AGBL4: variants seen among roughly 807,000 people sequenced by gnomAD.
The protein encoded by AGBL4 is AGBL carboxypeptidase 4, also known as cytosolic carboxypeptidase 6.
A neutral mutation model predicts 66.4 loss-of-function variants in AGBL4; 58 were observed. That is an observed-to-expected ratio of 0.87 (90% CI 0.71 to 1.09). The LOEUF is 1.09. AGBL4 is among the 50% of genes least tolerant of loss of function. The pLI, the probability that AGBL4 is intolerant of heterozygous loss-of-function variation, is 0.00. For missense variants in AGBL4, 579 were observed against 631.0 expected (o/e 0.92, Z 0.88); for synonymous variants, 234 against 222.9 (o/e 1.05, Z -0.44).
chr1:49,547,532 T>A (rs1426983926), intron 3 of AGBL4, among the ~76,000 whole-genome samples: 3 of 152,192 alleles, frequency 2.0e-5, no homozygotes, highest in Admixed American at 6.5e-5. Flanking sequence ...TTTTTCTAAT[T>A]CTGTAAAGAA....
At chr1:48,738,469 C>T (rs776390287) in intron 6 of AGBL4, among the ~76,000 whole-genome samples, 33 of 152,182 alleles carry the variant, frequency 2.2e-4, no homozygotes, top group Non-Finnish European at 2.8e-4. Flanking sequence ...CTCCGCAGTT[C>T]GAACTGCAGG....
chr1:48,690,664 G>C (rs1402146654), intron 6 of AGBL4, among the ~76,000 whole-genome samples: 1 of 151,800 alleles, frequency 6.6e-6, no homozygotes, highest in African/African-American at 2.4e-5. Flanking sequence ...ATACAAAATA[G>C]GACGTAAGTA....
chr1:49,846,889 A>G (rs1646161453), intron 2 of AGBL4, among the ~76,000 whole-genome samples: 1 of 152,212 alleles, frequency 6.6e-6, no homozygotes, highest in African/African-American at 2.4e-5. Context: ...ATCCCTCTCA[A>G]AATACTGACA....
chr1:48,925,231 C>T (rs114033134), intron 5 of AGBL4, among the ~76,000 whole-genome samples: 1,813 of 151,894 alleles, frequency 0.012, 34 homozygotes, highest in African/African-American at 0.038. Flanking sequence ...ATTCCAGGAC[C>T]TCCTGTGGAT....
At chr1:48,849,245 T>C (rs1646981631) in intron 6 of AGBL4, among the ~76,000 whole-genome samples, 2 of 152,228 alleles carry the variant, frequency 1.3e-5, no homozygotes, top group South Asian at 2.1e-4. Context: ...GGCCTTGTGG[T>C]AAAAACTGGC....
chr1:48,574,500 A>G (rs945129694), intron 11 of AGBL4, among the ~76,000 whole-genome samples: 2 of 151,730 alleles, frequency 1.3e-5, no homozygotes, highest in African/African-American at 4.8e-5. Context: ...AGCTTCATAA[A>G]TACCATAAAA....
intron 1 of AGBL4, among the ~76,000 whole-genome samples, chr1:49,999,294 G>T (rs1377264119): frequency 7.0e-6 from 1 of 143,216 alleles, no homozygotes. Context: ...CAAGCAGGCT[G>T]AAAATCCAAT....
At chr1:48,871,568 G>T (rs1365178913) in intron 5 of AGBL4, among the ~76,000 whole-genome samples, 1 of 152,090 alleles carries the variant, frequency 6.6e-6, no homozygotes, top group Non-Finnish European at 1.5e-5. Flanking sequence ...TCCTGGCTGT[G>T]TATGACCCCT....
intron 4 of AGBL4, among the ~76,000 whole-genome samples, chr1:49,120,450 G>C (rs1236051989): frequency 6.6e-6 from 1 of 151,894 alleles, no homozygotes; most frequent in East Asian, 1.9e-4. Context: ...GTTTGGCTGG[G>C]TATGAAAAGT....
At chr1:48,641,431 C>A (rs886901599) in intron 8 of AGBL4, among the ~76,000 whole-genome samples, 1 of 152,144 alleles carries the variant, frequency 6.6e-6, no homozygotes, top group Non-Finnish European at 1.5e-5. Flanking sequence ...CTCCTCACAT[C>A]CCTTCTTAGA....
chr1:48,834,857 T>C (rs1646639121), intron 6 of AGBL4, among the ~76,000 whole-genome samples: 1 of 152,190 alleles, frequency 6.6e-6, no homozygotes, highest in Admixed American at 6.6e-5. Context: ...AAGCCCCAGA[T>C]TCCTAACTTG....
At chr1:49,112,499 G>T (rs1054477954) in intron 4 of AGBL4, among the ~76,000 whole-genome samples, 3 of 152,122 alleles carry the variant, frequency 2.0e-5, no homozygotes, top group Non-Finnish European at 2.9e-5. Flanking sequence ...TTCCTTTCAT[G>T]AAAACTTTCT....
chr1:49,997,446 TTAAAAAA>T (rs1660450386), intron 1 of AGBL4, among the ~76,000 whole-genome samples: 1 of 152,006 alleles, frequency 6.6e-6, no homozygotes, highest in Non-Finnish European at 1.5e-5. Flanking sequence ...GCAACAGCAG[TTAAAAAA>T]GACAAAGAGG....
chr1:49,283,015 C>A (rs917311492), intron 3 of AGBL4, among the ~76,000 whole-genome samples: 1 of 152,244 alleles, frequency 6.6e-6, no homozygotes, highest in Non-Finnish European at 1.5e-5. Context: ...GGGTGGTGCC[C>A]ACCACAGCTC....
At chr1:48,817,375 A>G (rs1646206345) in intron 6 of AGBL4, 2 of 152,230 alleles carry the variant, frequency 1.3e-5, no homozygotes, top group African/African-American at 4.8e-5. Context: ...GACCTGTTTA[A>G]TCACTAGCTT....
intron 6 of AGBL4, among the ~76,000 whole-genome samples, chr1:48,689,219 A>AAG (rs1553207681): frequency 3.5e-5 from 5 of 141,584 alleles, no homozygotes; most frequent in South Asian, 2.1e-4. Flanking sequence ...AAAAAAAAAA[A>AAG]AAAAGAAAAG....
Position 49,188,133 on chromosome 1 carries a change from T to G in AGBL4, c.377+57637A>C, listed in dbSNP as rs1647048369. 2.0e-5 allele frequency among the ~76,000 whole-genome samples: 3 copies of G among 152,160 alleles called. No individual in the cohort carries two copies. In the South Asian group the frequency reaches 6.2e-4, roughly 31 times the overall value. ...ACTGTAAGTCCATTAAACTTCTTTC[T>G]TTTGTAAATTGCCCAGTCTCAGGTA... On this transcript the variant is annotated intron_variant, in intron 4 of 13. Transcript: ENST00000371839.
intron 4 of AGBL4, among the ~76,000 whole-genome samples, chr1:49,062,401 C>T (rs1644419215): frequency 6.6e-6 from 1 of 152,296 alleles, no homozygotes; most frequent in South Asian, 2.1e-4. Flanking sequence ...CTTACTATTG[C>T]TCTTCTTTGT....
intron 2 of AGBL4, among the ~76,000 whole-genome samples, chr1:49,786,659 T>A (rs528912728): frequency 6.6e-6 from 1 of 152,310 alleles, no homozygotes; most frequent in East Asian, 1.9e-4. Flanking sequence ...CCTAAGATGA[T>A]AAATTTTAGA....
Sources: gnomAD v4.1 joint callset for allele counts (sites outside exome capture counted in the v4.1 genomes callset) on GRCh38, gnomAD v4.1.1 for gene constraint, MANE v1.5 for transcripts, NCBI Gene and HGNC (gene_info 2026-07-23, HGNC 2026-07-21) for gene names.